The following PLPPR1 variants were observed in gnomAD, a reference collection of about 807,000 sequenced individuals.
PLPPR1 encodes the protein phospholipid phosphatase related 1.
PLPPR1 carries 10 observed loss-of-function variants against 33.1 expected under a neutral mutation model. The ratio of observed to expected loss-of-function variants is 0.30; its 90% CI spans 0.19 to 0.51. The LOEUF (loss-of-function observed/expected upper bound fraction) is 0.51. Among genes scored for constraint, PLPPR1 ranks in the 20% least tolerant of loss-of-function variants. PLPPR1 has a pLI of 0.97. For synonymous variants in PLPPR1, 151 were observed against 151.0 expected, an observed-to-expected ratio of 1.00 and a Z score of 0.00; for missense variants, 304 against 408.1, an observed-to-expected ratio of 0.74 and a Z score of 2.20.
At chr9:101,178,989 G>A (rs966784029) in intron 1 of PLPPR1, among the ~76,000 whole-genome samples, 1 of 152,154 alleles carries the variant, frequency 6.6e-6, no homozygotes, top group Admixed American at 6.6e-5. Context: ...TAAACTGAAA[G>A]TTAAGAGTGC....
chr9:101,172,112 G>C (rs1825950622), intron 1 of PLPPR1, among the ~76,000 whole-genome samples: 1 of 151,912 alleles, frequency 6.6e-6, no homozygotes, highest in Non-Finnish European at 1.5e-5. Context: ...ACCTAATTTT[G>C]AGGAACTTCT....
intron 1 of PLPPR1, among the ~76,000 whole-genome samples, chr9:101,126,119 C>G (rs916400696): frequency 6.6e-6 from 1 of 152,210 alleles, no homozygotes; most frequent in East Asian, 1.9e-4. Flanking sequence ...TTGTCAGATA[C>G]TTGATTAACC....
At chr9:101,254,847 C>T (rs1323514007) in intron 2 of PLPPR1, among the ~76,000 whole-genome samples, 1 of 152,116 alleles carries the variant, frequency 6.6e-6, no homozygotes, top group African/African-American at 2.4e-5. Flanking sequence ...ACTGTATTGA[C>T]AACCTTATGT....
At chr9:101,198,285 T>A (rs942053497) in intron 2 of PLPPR1, among the ~76,000 whole-genome samples, 1 of 152,114 alleles carries the variant, frequency 6.6e-6, no homozygotes, top group African/African-American at 2.4e-5. Flanking sequence ...CCACAGTTAA[T>A]GATAAAAGCA....
intron 1 of PLPPR1, among the ~76,000 whole-genome samples, chr9:101,080,357 T>C (rs1321873103): frequency 6.6e-6 from 1 of 151,986 alleles, no homozygotes; most frequent in Admixed American, 6.6e-5. Context: ...GCCTTGCCTT[T>C]ACAAAAATTA....
intron 2 of PLPPR1, among the ~76,000 whole-genome samples, chr9:101,206,343 CT>C (rs528300619): frequency 1.2e-4 from 18 of 152,196 alleles, no homozygotes; most frequent in Non-Finnish European, 2.4e-4. Context: ...TGATGGTTAA[CT>C]TTCTGGAAGT....
rs547243264 is a variant in PLPPR1 at position 101,216,068 on chromosome 9, T to C, written c.63+30511T>C. On this transcript the variant is annotated intron_variant, in intron 2 of 7. Transcript: ENST00000374874. ...TAGTTTTTTTGAGGAACCTCCATAC[T>C]GTTTTCTGTAGTGGTTGTACTAATT... 5.6e-4 allele frequency among the ~76,000 whole-genome samples: 86 copies of C among 152,298 alleles called. 1 individual carries two copies. Among genetic ancestry groups the C allele is most frequent in the African/African-American group, 1.9e-3 (81 of 41,572 alleles).
intron 2 of PLPPR1, among the ~76,000 whole-genome samples, chr9:101,241,363 G>A (rs371726645): frequency 9.9e-5 from 15 of 152,110 alleles, no homozygotes; most frequent in African/African-American, 3.1e-4. Flanking sequence ...GTCATACTGG[G>A]AGAAGAACAA....
intron 1 of PLPPR1, among the ~76,000 whole-genome samples, chr9:101,059,779 C>G (rs1830321914): frequency 6.6e-6 from 1 of 151,978 alleles, no homozygotes. Flanking sequence ...TCACCTCACA[C>G]CTGTTAGGAT....
At chr9:101,117,833 A>G (rs1179797835) in intron 1 of PLPPR1, among the ~76,000 whole-genome samples, 1 of 152,224 alleles carries the variant, frequency 6.6e-6, no homozygotes, top group Non-Finnish European at 1.5e-5. Context: ...AACCTGGCAC[A>G]TCTGAGCACT....
intron 2 of PLPPR1, among the ~76,000 whole-genome samples, chr9:101,261,742 A>G (rs566821571): frequency 2.6e-5 from 4 of 152,202 alleles, no homozygotes; most frequent in Non-Finnish European, 5.9e-5. Context: ...AAACTAACAC[A>G]GACACAGAAA....
chr9:101,134,537 C>A (rs1171836593), intron 1 of PLPPR1, among the ~76,000 whole-genome samples: 1 of 152,030 alleles, frequency 6.6e-6, no homozygotes, highest in African/African-American at 2.4e-5. Context: ...CATGCCCCAC[C>A]ATGCCTGGCT....
intron 1 of PLPPR1, among the ~76,000 whole-genome samples, chr9:101,175,931 G>C (rs1826012624): frequency 6.6e-6 from 1 of 152,104 alleles, no homozygotes; most frequent in Non-Finnish European, 1.5e-5. Context: ...TAAAAGAAAA[G>C]AAGACTCAAG....
rs538136683 is a variant in PLPPR1, at chr9:101,122,310, C to T, written c.-45-63140C>T. ...TTTTAAAACATATTTATTTTTCCTTCGTTTTACAAATACTGACTGTCTACA... is the reference window on the plus strand; with the variant it reads ...TTTTAAAACATATTTATTTTTCCTTTGTTTTACAAATACTGACTGTCTACA... On this transcript the variant is annotated intron_variant, in intron 1 of 7. Coordinates refer to ENST00000374874, the MANE Select transcript of PLPPR1 (RefSeq NM_207299.2). Among the ~76,000 whole-genome samples the T allele has an allele frequency of 1.2e-4, 19 of 152,128 alleles. No homozygotes were observed. In the South Asian group the frequency reaches 1.9e-3, roughly 15 times the overall value.
chr9:101,258,860 C>G (rs968398505), intron 2 of PLPPR1, among the ~76,000 whole-genome samples: 3 of 152,128 alleles, frequency 2.0e-5, no homozygotes, highest in Non-Finnish European at 4.4e-5. Flanking sequence ...TCCCAAATGT[C>G]AGAATCATTT....
intron 1 of PLPPR1, among the ~76,000 whole-genome samples, chr9:101,138,517 G>T (rs1029119563): frequency 6.6e-6 from 1 of 152,136 alleles, no homozygotes; most frequent in African/African-American, 2.4e-5. Flanking sequence ...AGAGATGCAG[G>T]ATAGATAGGA....
At chr9:101,037,209 A>G (rs1830020401) in intron 1 of PLPPR1, among the ~76,000 whole-genome samples, 1 of 152,116 alleles carries the variant, frequency 6.6e-6, no homozygotes, top group African/African-American at 2.4e-5. Flanking sequence ...AGAACTGCAT[A>G]CACATAAGAA....
At chr9:101,273,601 T>C (rs1162323072) in intron 3 of PLPPR1, among the ~76,000 whole-genome samples, 2 of 152,200 alleles carry the variant, frequency 1.3e-5, no homozygotes, top group Non-Finnish European at 2.9e-5. Context: ...GATCTGAATA[T>C]TTAACATATC....
chr9:101,129,870 A>C (rs1457706371), intron 1 of PLPPR1, among the ~76,000 whole-genome samples: 1 of 152,170 alleles, frequency 6.6e-6, no homozygotes, highest in Admixed American at 6.5e-5. Context: ...AAATTCATAC[A>C]ATAACATGGA....
Sources: allele counts gnomAD v4.1 joint callset (sites outside exome capture counted in the v4.1 genomes callset), GRCh38; gene constraint gnomAD v4.1.1; transcripts MANE v1.5; gene names NCBI Gene and HGNC (gene_info 2026-07-23, HGNC 2026-07-21).